The following PPP2R1A variants were observed in gnomAD, a reference collection of about 807,000 sequenced individuals.
The protein encoded by PPP2R1A is protein phosphatase 2 scaffold subunit Aalpha, also known as serine/threonine-protein phosphatase 2A 65 kDa regulatory subunit A alpha isoform.
A neutral mutation model predicts 67.1 loss-of-function variants in PPP2R1A; 15 were observed. The ratio of observed to expected loss-of-function variants is 0.22; its 90% CI spans 0.15 to 0.34. The LOEUF (loss-of-function observed/expected upper bound fraction) is 0.34, where lower values mean the gene tolerates loss of function less well. PPP2R1A is among the 10% of genes least tolerant of loss of function. The pLI is 1.00. For synonymous variants in PPP2R1A, 337 were observed against 325.0 expected (o/e 1.04, Z -0.40); for missense variants, 369 against 775.0 (o/e 0.48, Z 6.22).
chr19:52,200,241 C>A (rs1326409383), intron 1 of PPP2R1A: 1 of 152,248 alleles, frequency 6.6e-6, no homozygotes, highest in Non-Finnish European at 1.5e-5. Flanking sequence ...CTCCCACTCT[C>A]ACACTCATGA....
chr19:52,196,244 G>T (rs1568585696), intron 1 of PPP2R1A, among the ~76,000 whole-genome samples: 1 of 152,188 alleles, frequency 6.6e-6, no homozygotes, highest in East Asian at 1.9e-4. Flanking sequence ...TTTCTGAAAT[G>T]ATATTAATAG....
chr19:52,211,717 T>C lies in PPP2R1A; in HGVS notation c.503+225T>C, dbSNP rs1165897181. 1.7e-6 allele frequency: 1 copy of C among 575,598 alleles called. No homozygotes were observed. Among genetic ancestry groups the C allele is most frequent in the Non-Finnish European group, 3.1e-6 (1 of 325,306 alleles). 35.7% of individuals were successfully genotyped at this position (575,598 alleles called of 1,614,324 possible). ...CCCCTTGCTCACTTAGGAATTGAGATGATGACAGGTCCTCCTTCCCACTGG... is the reference window on the plus strand; with the variant it reads ...CCCCTTGCTCACTTAGGAATTGAGACGATGACAGGTCCTCCTTCCCACTGG... On this transcript the variant is annotated intron_variant, in intron 4 of 14. Coordinates refer to ENST00000322088, the MANE Select transcript of PPP2R1A (RefSeq NM_014225.6). This position sits in a 1 kb window ranked among gnomAD's most constrained non-coding sequence, Gnocchi z 5.3.
intron 1 of PPP2R1A, among the ~76,000 whole-genome samples, chr19:52,198,288 A>G (rs2089514846): frequency 6.6e-6 from 1 of 152,202 alleles, no homozygotes; most frequent in East Asian, 1.9e-4. Flanking sequence ...AGCATTGATG[A>G]TGCTGTCTGC....
In PPP2R1A at chr19:52,213,002, G is replaced by A. The variant is rs1384141044; in HGVS notation, c.699G>A (p.Gln233=). Residue 233 remains glutamine (Q), a synonymous_variant, in exon 6 of 15, where the codon CAG becomes CAA. Transcript: ENST00000322088. The surrounding 1 kb of genome is among the most constrained non-coding windows in gnomAD (Gnocchi z 4.2). ...LAVEACVNIA[Q]LLPQEDLEAL... ...TGGAGGCGTGCGTGAACATCGCCCA[G>A]CTTCTGCCCCAGGAGGATCTGGAGG... The A allele has an allele frequency of 1.9e-6, 3 of 1,611,718 alleles. No individual in the cohort carries two copies. Among genetic ancestry groups the A allele is most frequent in the African/African-American group, 2.7e-5 (2 of 74,884 alleles).
intron 2 of PPP2R1A, among the ~76,000 whole-genome samples, 196 bp downstream of exon 2, chr19:52,202,230 G>A (rs1212602414): frequency 1.3e-5 from 2 of 152,220 alleles, no homozygotes; most frequent in Admixed American, 6.5e-5. Context: ...GAGACAGATG[G>A]TGAAAGGGAT....
At chr19:52,222,002 G>A in intron 12 of PPP2R1A, 97 bp from the exon 13 acceptor site, 1 of 1,293,638 alleles carries the variant, frequency 7.7e-7, no homozygotes, top group Non-Finnish European at 1.1e-6. Context: ...CCTCTGTGGG[G>A]CCTGATGATC....
chr19:52,221,068 A>G lies in PPP2R1A; in HGVS notation c.1453A>G (p.Lys485Glu). The G allele has an allele frequency of 6.2e-7, 1 of 1,614,216 alleles. No individual in the cohort carries two copies. The highest frequency in any genetic ancestry group is 8.5e-7 in the Non-Finnish European group (1 of 1,180,036). Residue 485 changes from lysine (K) to glutamate (E), a missense_variant, in exon 12 of 15, where the codon AAG becomes GAG. By Grantham distance (56) the Lys-to-Glu change is moderately conservative. Transcript: ENST00000322088. ...KEWAHATIIP[K>E]VLAMSGDPNY... ...GTGGGCCCATGCCACAATCATCCCC[A>G]AGGTCTTGGCCATGTCCGGAGACCC... is the stretch of plus-strand genomic sequence containing the variant.
intron 13 of PPP2R1A, among the ~76,000 whole-genome samples, chr19:52,223,063 G>T (rs1028034057): frequency 1.3e-5 from 2 of 152,118 alleles, no homozygotes; most frequent in Non-Finnish European, 2.9e-5. Flanking sequence ...AATTAAAATA[G>T]ATGTGAACAC....
rs1978973832 is a variant in PPP2R1A, at chr19:52,222,144, C to T, written c.1564C>T (p.Leu522=). The T allele has an allele frequency of 6.2e-7, 1 of 1,614,100 alleles. No individual in the cohort carries two copies. The highest frequency in any genetic ancestry group is 8.5e-7 in the Non-Finnish European group (1 of 1,179,984). Residue 522 remains leucine (L), a synonymous_variant, in exon 13 of 15, where the codon CTA becomes TTA. Coordinates refer to ENST00000322088, the MANE Select transcript of PPP2R1A (RefSeq NM_014225.6). ...GCAGGACATCACCACCAAGCACATGCTACCCACGGTTCTGCGCATGGCTGG... is the reference window on the plus strand; with the variant it reads ...GCAGGACATCACCACCAAGCACATGTTACCCACGGTTCTGCGCATGGCTGG... ...CGQDITTKHM[L]PTVLRMAGDP...
At chr19:52,195,386 C>A (rs1334004832) in intron 1 of PPP2R1A, among the ~76,000 whole-genome samples, 1 of 152,154 alleles carries the variant, frequency 6.6e-6, no homozygotes. Flanking sequence ...ACTTCCGTGA[C>A]TAAATGTGTG....
intron 1 of PPP2R1A, among the ~76,000 whole-genome samples, chr19:52,192,256 G>T (rs1431714312): frequency 6.6e-6 from 1 of 151,930 alleles, no homozygotes; most frequent in Non-Finnish European, 1.5e-5. Context: ...GAAAGAAGGT[G>T]GGGGAGAGCC....
At chr19:52,221,235 A>T in intron 12 of PPP2R1A, 102 bp downstream of exon 12, 1 of 1,466,168 alleles carries the variant, frequency 6.8e-7, no homozygotes, top group South Asian at 1.2e-5. Context: ...TGGCTTGGGA[A>T]TGGAGACATG....
At chr19:52,199,414 C>T (rs2089526005) in intron 1 of PPP2R1A, among the ~76,000 whole-genome samples, 1 of 152,136 alleles carries the variant, frequency 6.6e-6, no homozygotes, top group Non-Finnish European at 1.5e-5. Flanking sequence ...CATGATCCGC[C>T]TGCCTCGGCC....
intron 1 of PPP2R1A, among the ~76,000 whole-genome samples, chr19:52,194,732 T>G (rs942089451): frequency 6.6e-6 from 1 of 152,126 alleles, no homozygotes; most frequent in African/African-American, 2.4e-5. Flanking sequence ...TTTCCCCTCT[T>G]TGGACCCAGA....
chr19:52,204,929 T>C (rs773949491), intron 2 of PPP2R1A, among the ~76,000 whole-genome samples: 1 of 152,198 alleles, frequency 6.6e-6, no homozygotes, highest in Non-Finnish European at 1.5e-5. Flanking sequence ...TGAAGTGAGC[T>C]GCTGTATAAG....
intron 1 of PPP2R1A, among the ~76,000 whole-genome samples, chr19:52,190,544 C>T (rs1269517061): frequency 2.6e-5 from 4 of 152,210 alleles, no homozygotes; most frequent in Non-Finnish European, 5.9e-5. Flanking sequence ...GCGCGCATGA[C>T]TTGCTCCAAG....
In PPP2R1A at chr19:52,211,106, C is replaced by T. The variant is rs187788799; in HGVS notation, c.271-154C>T. Among the ~76,000 whole-genome samples, 1 of 152,314 alleles carries T rather than the reference C, an allele frequency of 6.6e-6. No homozygotes were observed. ...CGTTTTTCCTTTGAGTCATTCATTG[C>T]AACCATTTTTAAAGGCTATTTTAAT... is the stretch of plus-strand genomic sequence containing the variant. On this transcript the variant is annotated intron_variant, in intron 3 of 14. Coordinates refer to ENST00000322088, the MANE Select transcript of PPP2R1A (RefSeq NM_014225.6). The surrounding 1 kb of genome is among the most constrained non-coding windows in gnomAD (Gnocchi z 5.3).
Position 52,212,182 on chromosome 19 carries a change from C to T in PPP2R1A, c.504-504C>T, listed in dbSNP as rs1207160560. On this transcript the variant is annotated intron_variant, in intron 4 of 14. Transcript: ENST00000322088. This position sits in a 1 kb window ranked among gnomAD's most constrained non-coding sequence, Gnocchi z 4.1. Reference sequence around the variant, plus strand: ...CCCACTGCAGCCTCAACCTCCTGGGCTCAAGCATTCCTCCTGCCTTAGCCT... The same window carrying T: ...CCCACTGCAGCCTCAACCTCCTGGGTTCAAGCATTCCTCCTGCCTTAGCCT... Among the ~76,000 whole-genome samples, 1 of 152,206 alleles carries T rather than the reference C, an allele frequency of 6.6e-6. No homozygotes were observed. Among genetic ancestry groups the T allele is most frequent in the African/African-American group, 2.4e-5 (1 of 41,444 alleles).
At chr19:52,215,029 G>C (rs1170366087) in intron 6 of PPP2R1A, among the ~76,000 whole-genome samples, 2 of 152,046 alleles carry the variant, frequency 1.3e-5, no homozygotes, top group Non-Finnish European at 2.9e-5. Flanking sequence ...CCCAGCCCTA[G>C]AGTGCCTTCC....
Sources: allele counts gnomAD v4.1 joint callset (sites outside exome capture counted in the v4.1 genomes callset), GRCh38; gene constraint gnomAD v4.1.1; non-coding constraint Gnocchi (gnomAD v3.1); transcripts MANE v1.5; gene names NCBI Gene and HGNC (gene_info 2026-07-23, HGNC 2026-07-21).